The following NRG1 variants were observed in gnomAD, a reference collection of about 807,000 sequenced individuals.
NRG1 encodes the protein pro-neuregulin-1, membrane-bound isoform.
NRG1 carries 18 observed loss-of-function variants against 63.8 expected under a neutral mutation model. The observed-to-expected ratio is 0.28, with a 90% confidence interval of 0.19 to 0.42. The LOEUF (loss-of-function observed/expected upper bound fraction) is 0.42, where lower values mean the gene tolerates loss of function less well. Ranked by LOEUF, NRG1 falls within the 10% of genes least tolerant of loss-of-function variation. The pLI is 1.00. For synonymous variants in NRG1, 302 were observed against 301.3 expected, an observed-to-expected ratio of 1.00 and a Z score of -0.02; for missense variants, 762 against 814.7, an observed-to-expected ratio of 0.94 and a Z score of 0.79.
At chr8:31,648,471 A>T (rs1804524886) in intron 1 of NRG1, among the ~76,000 whole-genome samples, 1 of 152,128 alleles carries the variant, frequency 6.6e-6, no homozygotes, top group Non-Finnish European at 1.5e-5. Context: ...TATTCAATAC[A>T]TTCGTAATGT....
In NRG1 at chr8:32,380,169, A is replaced by G. The variant is rs150018816; in HGVS notation, c.38-215659A>G. Among the ~76,000 whole-genome samples, 105 of 152,188 alleles carry G rather than the reference A, an allele frequency of 6.9e-4. 1 individual carries two copies. The highest frequency in any genetic ancestry group is 2.5e-3 in the African/African-American group (103 of 41,552). ...TTTATTATGTCTCTGGCAGTATCCA[A>G]CAAAGTTGGCCATTCTCTCCTGCTT... On this transcript the variant is annotated intron_variant, in intron 1 of 10. Transcript: ENST00000519301.
chr8:31,763,350 A>G (rs1817737447), intron 1 of NRG1, among the ~76,000 whole-genome samples: 1 of 152,222 alleles, frequency 6.6e-6, no homozygotes, highest in Non-Finnish European at 1.5e-5. Flanking sequence ...ATTTAGTTAG[A>G]TGAAAAACAC....
exon 12 of NRG1, chr8:32,766,668 G>A (rs980433864): frequency 2.6e-5 from 4 of 152,210 alleles, no homozygotes; most frequent in Non-Finnish European, 5.9e-5. Flanking sequence ...CTTACAATGA[G>A]AATTGCTATG....
At chr8:32,225,582 G>T (rs1261086637) in intron 1 of NRG1, among the ~76,000 whole-genome samples, 1 of 152,132 alleles carries the variant, frequency 6.6e-6, no homozygotes, top group Non-Finnish European at 1.5e-5. Flanking sequence ...ATTTGGGGGT[G>T]CCAGGCCCTG....
intron 1 of NRG1, among the ~76,000 whole-genome samples, chr8:32,304,050 C>T (rs1855926031): frequency 6.6e-6 from 1 of 152,184 alleles, no homozygotes; most frequent in African/African-American, 2.4e-5. Flanking sequence ...TATCAGGATT[C>T]ACTTTTTCTC....
chr8:32,011,785 A>G (rs1359208578), intron 1 of NRG1, among the ~76,000 whole-genome samples: 1 of 152,068 alleles, frequency 6.6e-6, no homozygotes, highest in Admixed American at 6.6e-5. Flanking sequence ...TAGGAAATTT[A>G]CCTGGAGGCT....
intron 1 of NRG1, among the ~76,000 whole-genome samples, chr8:32,328,813 A>G (rs915335694): frequency 1.3e-5 from 2 of 152,108 alleles, no homozygotes; most frequent in African/African-American, 2.4e-5. Context: ...ATCATCTTGG[A>G]ATTATAGATT....
At chr8:32,502,925 C>T (rs11787140) in intron 1 of NRG1, among the ~76,000 whole-genome samples, 15,972 of 152,126 alleles carry the variant, frequency 0.1, 1,200 homozygotes, top group Admixed American at 0.24. Flanking sequence ...AACAGTACAA[C>T]TTCTCAGTGT....
intron 1 of NRG1, among the ~76,000 whole-genome samples, chr8:32,142,634 A>C (rs544123458): frequency 1.1e-3 from 166 of 152,280 alleles, no homozygotes; most frequent in Non-Finnish European, 2.0e-3. Context: ...TGCTATTGAG[A>C]ACCACTCAAC....
At chr8:31,956,577 T>A (rs1804462771) in intron 1 of NRG1, among the ~76,000 whole-genome samples, 1 of 151,786 alleles carries the variant, frequency 6.6e-6, no homozygotes, top group South Asian at 2.1e-4. Flanking sequence ...TGAGCCGAGA[T>A]CGTGCCACTG....
At chr8:31,834,599 T>C (rs1825524874) in intron 1 of NRG1, among the ~76,000 whole-genome samples, 1 of 152,176 alleles carries the variant, frequency 6.6e-6, no homozygotes. Flanking sequence ...CAGTCCCTGC[T>C]GCTCTGGAGG....
At position 32,723,301 on chromosome 8, in the gene NRG1, C is replaced by T. The variant is rs1350399471; in HGVS notation, c.503-4648C>T. Among the ~76,000 whole-genome samples, 3 of 152,078 alleles carry T rather than the reference C, an allele frequency of 2.0e-5. No homozygotes were observed. In the East Asian group the frequency reaches 5.8e-4, roughly 29 times the overall value. On this transcript the variant is annotated intron_variant, in intron 5 of 11. Coordinates refer to ENST00000356819, the Ensembl canonical transcript of NRG1. ...ACATTTTATCTATGAAGGGTTTCTTCTAGGGAGAGTTGGTCATGGTCTTAC... is the reference window on the plus strand; with the variant it reads ...ACATTTTATCTATGAAGGGTTTCTTTTAGGGAGAGTTGGTCATGGTCTTAC...
intron 1 of NRG1, among the ~76,000 whole-genome samples, chr8:32,552,131 G>A (rs1834257010): frequency 6.6e-6 from 1 of 150,968 alleles, no homozygotes; most frequent in Admixed American, 6.6e-5. Flanking sequence ...GGATGGTGTC[G>A]ATCTCTTGAC....
chr8:32,364,716 T>A (rs1330827543), intron 1 of NRG1, among the ~76,000 whole-genome samples: 2 of 152,142 alleles, frequency 1.3e-5, no homozygotes, highest in Non-Finnish European at 2.9e-5. Context: ...GAAGTCTAAG[T>A]CCACATTTTA....
intron 1 of NRG1, among the ~76,000 whole-genome samples, chr8:32,419,306 C>T (rs1226496521): frequency 6.6e-6 from 1 of 152,208 alleles, no homozygotes; most frequent in Non-Finnish European, 1.5e-5. Flanking sequence ...TATCTCCATA[C>T]TGTTTTGCAG....
At chr8:31,761,542 A>G (rs1472505897) in intron 1 of NRG1, among the ~76,000 whole-genome samples, 2 of 152,144 alleles carry the variant, frequency 1.3e-5, no homozygotes, top group African/African-American at 4.8e-5. Context: ...CTGGAGGGTT[A>G]TTAATTGTTT....
intron 5 of NRG1, among the ~76,000 whole-genome samples, chr8:32,653,809 T>C: frequency 6.6e-6 from 1 of 152,166 alleles, no homozygotes; most frequent in East Asian, 1.9e-4. Flanking sequence ...GAATCTGCCA[T>C]TAAGTTGTTT....
At chr8:32,419,303 A>T (rs1188052968) in intron 1 of NRG1, among the ~76,000 whole-genome samples, 1 of 152,228 alleles carries the variant, frequency 6.6e-6, no homozygotes, top group Non-Finnish European at 1.5e-5. Flanking sequence ...TAATATCTCC[A>T]TACTGTTTTG....
chr8:31,670,173 C>A (rs1806975066), intron 1 of NRG1, among the ~76,000 whole-genome samples: 1 of 152,146 alleles, frequency 6.6e-6, no homozygotes, highest in Non-Finnish European at 1.5e-5. Flanking sequence ...CAAAGCTCTG[C>A]AAATCATTGA....
Sources: allele counts gnomAD v4.1 joint callset (sites outside exome capture counted in the v4.1 genomes callset), GRCh38; gene constraint gnomAD v4.1.1; transcripts MANE v1.5; gene names NCBI Gene and HGNC (gene_info 2026-07-23, HGNC 2026-07-21).